Variants in FSCN3 observed in about 807,000 individuals in gnomAD.
FSCN3 encodes the protein fascin actin-bundling protein 3, also known as fascin-3.
Under a neutral mutation model 53.5 loss-of-function variants are expected in FSCN3, and 43 were observed. The observed-to-expected ratio is 0.80, with a 90% CI of 0.63 to 1.04. The LOEUF is 1.04. FSCN3 is among the 50% of genes least tolerant of loss of function. The pLI is 0.00. For synonymous variants in FSCN3, 235 were observed against 246.6 expected (o/e 0.95, Z 0.44); for missense variants, 594 against 646.5 (o/e 0.92, Z 0.88).
rs112110298 is a variant in FSCN3, at chr7:127,597,524, G to A, written c.961-911G>A. 3.8e-3 allele frequency among the ~76,000 whole-genome samples: 573 copies of A among 151,496 alleles called. 2 individuals are homozygous for A. Among genetic ancestry groups the A allele is most frequent in the Non-Finnish European group, 4.5e-3 (309 of 67,930 alleles). ...GATGAAGTCTTGCTCTGTTGCCTGG[G>A]CTGGAGGGCAGTGGCTCAGTCTCGG... is the stretch of plus-strand genomic sequence containing the variant. On this transcript the variant is annotated intron_variant, in intron 3 of 6. Transcript: ENST00000265825.
At position 127,595,382 on chromosome 7, in the gene FSCN3, C is replaced by G; in HGVS notation, c.220C>G (p.Leu74Val). The G allele has an allele frequency of 6.2e-7, 1 of 1,614,188 alleles. No homozygotes were observed. The highest frequency in any genetic ancestry group is 8.5e-7 in the Non-Finnish European group (1 of 1,180,036). ...VRLKSVQGLY[L>V]LCECDGTVCY... Reference sequence around the variant, plus strand: ...ACTAAAGAGCGTGCAGGGCCTCTACCTGCTGTGTGAGTGTGATGGCACCGT... The same window carrying G: ...ACTAAAGAGCGTGCAGGGCCTCTACGTGCTGTGTGAGTGTGATGGCACCGT... The change falls in exon 2 of 7, where the codon CTG (leucine) becomes GTG (valine). Residue 74 changes from leucine (L) to valine (V), a missense_variant. Transcript: ENST00000265825.
At position 127,600,230 on chromosome 7, in the gene FSCN3, G is replaced by A. The variant is rs2117434558; in HGVS notation, c.1328G>A (p.Gly443Asp). 1 of 1,610,442 alleles carries A rather than the reference G, an allele frequency of 6.2e-7. No homozygotes were observed. Among genetic ancestry groups the A allele is most frequent in the South Asian group, 1.1e-5 (1 of 91,014 alleles). ...GGSFWSITSFGTFRPWGKFAL... is the reference protein window; with the variant it reads ...GGSFWSITSFDTFRPWGKFAL... The stretch of plus-strand genomic sequence containing the variant: ...TCCTTCTGGTCAATAACATCCTTTG[G>A]CACCTTTCGCCCTTGGGGCAAGTTT... The change falls in exon 6 of 7, where the codon GGC becomes GAC. Residue 443 changes from glycine (G) to aspartate (D), a missense_variant. Coordinates refer to ENST00000265825, the MANE Select transcript of FSCN3 (RefSeq NM_020369.3).
At chr7:127,596,555 G>T in intron 3 of FSCN3, 109 bp downstream of exon 3, 1 of 525,472 alleles carries the variant, frequency 1.9e-6, no homozygotes. Context: ...TGTGGGCTGT[G>T]GAGGCACTTG....
At chr7:127,594,248 CTGTGTG>C (rs368223947) in intron 1 of FSCN3, among the ~76,000 whole-genome samples, 14 of 98,938 alleles carry the variant, frequency 1.4e-4, no homozygotes, top group South Asian at 3.7e-4. Context: ...AGTGGCCAAG[CTGTGTG>C]TGTGTGTGTG....
intron 1 of FSCN3, among the ~76,000 whole-genome samples, chr7:127,594,247 G>GGTGTGTGT (rs1794346523): frequency 2.3e-5 from 1 of 42,622 alleles, no homozygotes; most frequent in Non-Finnish European, 5.9e-5. Context: ...GAGTGGCCAA[G>GGTGTGTGT]CTGTGTGTGT....
At chr7:127,599,988 A>C (rs1190888607) in intron 5 of FSCN3, among the ~76,000 whole-genome samples, 1 of 151,456 alleles carries the variant, frequency 6.6e-6, no homozygotes, top group Non-Finnish European at 1.5e-5. Flanking sequence ...TTGTTTTCAC[A>C]CTTCAAAGCC....
intron 3 of FSCN3, among the ~76,000 whole-genome samples, chr7:127,597,282 T>G (rs60744600): frequency 0.021 from 3,213 of 152,280 alleles, 113 homozygotes; most frequent in African/African-American, 0.073. Flanking sequence ...GTGCTTAACT[T>G]TGGAAGAAAG....
chr7:127,598,618 AGAT>A (rs747244426), intron 4 of FSCN3, 24 bp downstream of exon 4: 3 of 1,572,768 alleles, frequency 1.9e-6, no homozygotes, highest in East Asian at 4.5e-5. Context: ...CCTTCCTGCC[AGAT>A]GATTCCAAGT....
intron 2 of FSCN3, 37 bp from the exon 3 acceptor site, chr7:127,596,291 G>A: frequency 6.4e-7 from 1 of 1,554,004 alleles, no homozygotes; most frequent in Non-Finnish European, 8.9e-7. Flanking sequence ...GGCCGAGACT[G>A]AGGGGAGGCT....
chr7:127,595,962 G>C lies in FSCN3; in HGVS notation c.800G>C (p.Ser267Thr), dbSNP rs73720862. ...CTACAGCACTGCCCAACCTGGGTCAGCCTCAGGTCAAAGACTGGGCGGTTC... is the reference window on the plus strand; with the variant it reads ...CTACAGCACTGCCCAACCTGGGTCACCCTCAGGTCAAAGACTGGGCGGTTC... Reference protein sequence around the residue: ...FILQHCPTWVSLRSKTGRFIS... With the variant: ...FILQHCPTWVTLRSKTGRFIS... Residue 267 changes from serine (S) to threonine (T), a missense_variant, in exon 2 of 7, where the codon AGC (serine) becomes ACC (threonine). Physicochemically the swap from Ser to Thr is moderately conservative, Grantham distance 58. Transcript: ENST00000265825. 5.1e-3 allele frequency: 8,012 copies of C among 1,579,450 alleles called. 351 individuals are homozygous for C. In the African/African-American group the frequency reaches 0.093, roughly 18 times the overall value.
rs148039274 is a variant in FSCN3 at position 127,599,502 on chromosome 7, C to G, written c.1242C>G (p.Pro414=). The G allele has an allele frequency of 1.4e-5, 23 of 1,613,966 alleles. No individual in the cohort carries two copies. In the Admixed American group the frequency reaches 1.8e-4, roughly 13 times the overall value. The change falls in exon 5 of 7, where the codon CCC becomes CCG. Residue 414 remains proline, a synonymous_variant. Coordinates refer to ENST00000265825, the MANE Select transcript of FSCN3 (RefSeq NM_020369.3). ...HDLIQCNQDQ[P]DRIHLLPCRP... is the part of the protein sequence containing the mutation. ...TCATACAGTGCAACCAGGATCAGCC[C>G]GACCGCATTCATCTACTACCCTGCC...
At chr7:127,594,069 C>CGT in intron 1 of FSCN3, 72 bp downstream of exon 1, 3 of 1,437,100 alleles carry the variant, frequency 2.1e-6, no homozygotes, top group Non-Finnish European at 1.9e-6. Flanking sequence ...TGCGCGCGCG[C>CGT]GTGTGTGTGC....
chr7:127,599,235 A>G (rs1206801978), intron 4 of FSCN3, 146 bp from the exon 5 acceptor site: 3 of 662,920 alleles, frequency 4.5e-6, no homozygotes, highest in Non-Finnish European at 8.2e-6. Context: ...ACAAGCACCT[A>G]GCATAAGACC....
intron 3 of FSCN3, among the ~76,000 whole-genome samples, chr7:127,597,473 G>T (rs911227849): frequency 2.0e-5 from 3 of 148,104 alleles, no homozygotes; most frequent in East Asian, 4.4e-4. Context: ...AATTAGTAAG[G>T]TTTAGAATTT....
In FSCN3 at chr7:127,595,997, A is replaced by G. The variant is rs745971352; in HGVS notation, c.835A>G (p.Ile279Val). ...AAAGACTGGGCGGTTCATCTCAGTC[A>G]TCTACGGCAAGTGCTGGACCCAACA... ...RSKTGRFISV[I>V]YDGEVRAASE... The change falls in exon 2 of 7, where the codon ATC (isoleucine) becomes GTC (valine). Residue 279 changes from isoleucine to valine, a missense_variant. By Grantham distance (29) the Ile-to-Val change is conservative. Transcript: ENST00000265825. 7.5e-5 allele frequency: 116 copies of G among 1,546,204 alleles called. No individual in the cohort carries two copies. The South Asian group carries it at 1.4e-3, about 19-fold the overall frequency.
chr7:127,594,017 C>T lies in FSCN3; in HGVS notation c.144+20C>T. On this transcript the variant is annotated intron_variant, in intron 1 of 6. Transcript: ENST00000265825. ...AGACAGGTGACAAAGCAAACCCATG[C>T]TGGCACCAGTTTTCTGAGTGGCCAA... The T allele has an allele frequency of 2.5e-6, 4 of 1,611,584 alleles. No homozygotes were observed. Among genetic ancestry groups the T allele is most frequent in the Non-Finnish European group, 3.4e-6 (4 of 1,178,980 alleles).
At chr7:127,599,294 T>C (rs559511588) in intron 4 of FSCN3, 87 bp from the exon 5 acceptor site, 23 of 947,940 alleles carry the variant, frequency 2.4e-5, no homozygotes, top group Admixed American at 5.5e-5. Context: ...ACCACACCCT[T>C]CTGCAATTAG....
At chr7:127,600,105 T>G (rs1587543262) in intron 5 of FSCN3, 89 bp from the exon 6 acceptor site, 1 of 735,418 alleles carries the variant, frequency 1.4e-6, no homozygotes, top group Non-Finnish European at 2.5e-6. Context: ...TAGGGGAGGG[T>G]GGCATGCCTC....
Position 127,595,971 on chromosome 7 carries a change from C to T in FSCN3, c.809C>T (p.Ser270Leu), listed in dbSNP as rs758326784. Residue 270 changes from serine (S) to leucine (L), a missense_variant, in exon 2 of 7, where the codon TCA becomes TTA. Physicochemically the swap from Ser to Leu is moderately radical, Grantham distance 145. Coordinates refer to ENST00000265825, the MANE Select transcript of FSCN3 (RefSeq NM_020369.3). ...TGCCCAACCTGGGTCAGCCTCAGGT[C>T]AAAGACTGGGCGGTTCATCTCAGTC... ...QHCPTWVSLR[S>L]KTGRFISVIY... 1 of 1,571,414 alleles carries T rather than the reference C, an allele frequency of 6.4e-7. No individual in the cohort carries two copies. Among genetic ancestry groups the T allele is most frequent in the South Asian group, 1.2e-5 (1 of 83,682 alleles).
Sources: gnomAD v4.1 joint callset for allele counts (sites outside exome capture counted in the v4.1 genomes callset) on GRCh38, gnomAD v4.1.1 for gene constraint, MANE v1.5 for transcripts, NCBI Gene and HGNC (gene_info 2026-07-23, HGNC 2026-07-21) for gene names.